The following PTPN3 variants were observed in gnomAD, a reference collection of about 807,000 sequenced individuals.
The protein encoded by PTPN3 is tyrosine-protein phosphatase non-receptor type 3.
A neutral mutation model predicts 132.7 loss-of-function variants in PTPN3; 96 were observed. That is an observed-to-expected ratio of 0.72 (90% CI 0.61 to 0.86). PTPN3 has a LOEUF of 0.86. Ranked by LOEUF, PTPN3 falls within the 40% of genes least tolerant of loss-of-function variation. PTPN3 has a pLI of 0.00. For synonymous variants in PTPN3, 398 were observed against 429.0 expected (o/e 0.93, Z 0.89); for missense variants, 1,125 against 1,159.6 (o/e 0.97, Z 0.43).
chr9:109,426,924 G>A (rs1455734728), intron 12 of PTPN3, 26 bp downstream of exon 12: 5 of 1,583,094 alleles, frequency 3.2e-6, no homozygotes, highest in African/African-American at 1.3e-5. Context: ...AGCCTAGTGT[G>A]GACACAGTCT....
intron 16 of PTPN3, among the ~76,000 whole-genome samples, chr9:109,408,704 G>A (rs117379136): frequency 0.012 from 1,792 of 150,748 alleles, 13 homozygotes; most frequent in Middle Eastern, 0.021. Flanking sequence ...CCCAGAGAGG[G>A]ACTCCACAGC....
chr9:109,437,358 C>G (rs533204725), intron 8 of PTPN3, among the ~76,000 whole-genome samples: 1 of 152,164 alleles, frequency 6.6e-6, no homozygotes, highest in Non-Finnish European at 1.5e-5. Context: ...CCACTGGCCC[C>G]GTACTATTTT....
intron 14 of PTPN3, among the ~76,000 whole-genome samples, chr9:109,414,621 G>A (rs748072251): frequency 3.3e-5 from 5 of 152,224 alleles, no homozygotes; most frequent in Admixed American, 6.5e-5. Context: ...AGATCAAAGT[G>A]GCAGAGGGGA....
Position 109,420,547 on chromosome 9 carries a change from T to C in PTPN3, c.1190A>G (p.Asp397Gly), listed in dbSNP as rs1469346763. Residue 397 changes from aspartate (D) to glycine (G), a missense_variant, in exon 14 of 26, where the codon GAT becomes GGT. Asp to Gly is a moderately conservative substitution (Grantham distance 94, BLOSUM62 -1). Coordinates refer to ENST00000374541, the MANE Select transcript of PTPN3 (RefSeq NM_002829.4). ...EIRKPRHSSA[D>G]NLANEMTYIT... ...GTAGGTCATTTCATTTGCAAGGTTATCTGCAGAAGAGTGGCGTGGCTTTCG... is the reference window on the plus strand; with the variant it reads ...GTAGGTCATTTCATTTGCAAGGTTACCTGCAGAAGAGTGGCGTGGCTTTCG... 6.2e-6 allele frequency: 10 copies of C among 1,613,064 alleles called. No individual in the cohort carries two copies. Among genetic ancestry groups the C allele is most frequent in the African/African-American group, 1.3e-5 (1 of 74,918 alleles).
At chr9:109,448,704 C>A in intron 6 of PTPN3, 107 bp downstream of exon 6, 4 of 1,118,956 alleles carry the variant, frequency 3.6e-6, no homozygotes, top group Non-Finnish European at 5.3e-6. Flanking sequence ...CTTTGCACAT[C>A]CACTCTGTTT....
chr9:109,529,423 G>A, the PTPN3 span, among the ~76,000 whole-genome samples: 2 of 145,018 alleles, frequency 1.4e-5, no homozygotes, highest in Non-Finnish European at 1.6e-5. Context: ...ACCACTGTCC[G>A]AGAGAGTGCC....
intron 4 of PTPN3, among the ~76,000 whole-genome samples, chr9:109,455,633 T>G (rs916321221): frequency 3.9e-5 from 6 of 152,232 alleles, no homozygotes; most frequent in African/African-American, 1.4e-4. Context: ...GGGAGAACAA[T>G]GTCCTCCTGC....
chr9:109,428,574 C>A, intron 11 of PTPN3, 47 bp downstream of exon 11: 1 of 1,583,580 alleles, frequency 6.3e-7, no homozygotes, highest in South Asian at 1.1e-5. Context: ...TCTAACCACA[C>A]ACATACATAT....
rs1045080214 is a variant in PTPN3 at position 109,391,175 on chromosome 9, T to G, written c.2069A>C (p.Gln690Pro). Residue 690 changes from glutamine (Q) to proline (P), a missense_variant, in exon 21 of 26, where the codon CAG becomes CCG. Coordinates refer to ENST00000374541, the MANE Select transcript of PTPN3 (RefSeq NM_002829.4). ...LPYDTTRVLLQGNEDYINASY... is the reference protein window; with the variant it reads ...LPYDTTRVLLPGNEDYINASY... ...TGCATTAATATAATCTTCATTTCCC[T>G]GCAATAATACCCGGGTGGTGTCATC... 1 of 1,613,522 alleles carries G rather than the reference T, an allele frequency of 6.2e-7. No homozygotes were observed. The highest frequency in any genetic ancestry group is 1.1e-5 in the South Asian group (1 of 90,956).
At chr9:109,407,376 C>T (rs760562031) in intron 17 of PTPN3, among the ~76,000 whole-genome samples, 12 of 151,962 alleles carry the variant, frequency 7.9e-5, no homozygotes, top group Non-Finnish European at 1.6e-4. Flanking sequence ...GAGCGAGACC[C>T]TGTCTCTTAA....
At chr9:109,407,028 A>G (rs1841624126) in intron 17 of PTPN3, among the ~76,000 whole-genome samples, 1 of 152,238 alleles carries the variant, frequency 6.6e-6, no homozygotes, top group African/African-American at 2.4e-5. Context: ...AAGCTTCACA[A>G]CAGAGGCAAA....
chr9:109,472,467 C>T (rs1478875204), intron 1 of PTPN3, among the ~76,000 whole-genome samples: 9 of 151,914 alleles, frequency 5.9e-5, no homozygotes, highest in Admixed American at 3.9e-4. Context: ...TATTTTTTTG[C>T]GAACGTTCTT....
chr9:109,490,420 A>G lies in PTPN3; in HGVS notation c.-18+7799T>C, dbSNP rs192870661. Among the ~76,000 whole-genome samples, 155 of 152,188 alleles carry G rather than the reference A, an allele frequency of 1.0e-3. 1 individual carries two copies. In the Middle Eastern group the frequency reaches 0.017, roughly 17 times the overall value. On this transcript the variant is annotated intron_variant, in intron 1 of 25. Coordinates refer to ENST00000374541, the MANE Select transcript of PTPN3 (RefSeq NM_002829.4). ...CTCAATGTGAGGGGCATTCTACAAA[A>G]TAATTGGCTTGTACTTTCCAAAAAC...
intron 1 of PTPN3, among the ~76,000 whole-genome samples, chr9:109,467,895 T>A (rs1846178081): frequency 6.6e-6 from 1 of 152,208 alleles, no homozygotes; most frequent in Non-Finnish European, 1.5e-5. Flanking sequence ...CTCTGATTGT[T>A]ACATAAAGGG....
At chr9:109,534,237 GC>G in the PTPN3 span, 2 of 1,465,514 alleles carry the variant, frequency 1.4e-6, no homozygotes, top group East Asian at 4.6e-5. Flanking sequence ...CTGTGCCGCT[GC>G]CCGTAGTGCC....
chr9:109,433,819 G>A (rs1843830239), intron 9 of PTPN3, among the ~76,000 whole-genome samples: 1 of 150,906 alleles, frequency 6.6e-6, no homozygotes, highest in Admixed American at 6.6e-5. Flanking sequence ...GAGGTGGGAG[G>A]ACTGCTTAAG....
In PTPN3 at chr9:109,420,620, A is replaced by C; in HGVS notation, c.1137-20T>G. 3 of 1,595,470 alleles carry C rather than the reference A, an allele frequency of 1.9e-6. No homozygotes were observed. The highest frequency in any genetic ancestry group is 2.6e-6 in the Non-Finnish European group (3 of 1,167,832). Reference sequence around the variant, plus strand: ...CTTCGCCTGGGTGGGAAAAACGTTGAGTGCAAAGTGTTCAAAGCAAATTCC... The same window carrying C: ...CTTCGCCTGGGTGGGAAAAACGTTGCGTGCAAAGTGTTCAAAGCAAATTCC... On this transcript the variant is annotated intron_variant, in intron 13 of 25. Coordinates refer to ENST00000374541, the MANE Select transcript of PTPN3 (RefSeq NM_002829.4).
intron 1 of PTPN3, among the ~76,000 whole-genome samples, chr9:109,468,777 T>C (rs912737228): frequency 1.3e-5 from 2 of 152,226 alleles, no homozygotes; most frequent in Non-Finnish European, 2.9e-5. Context: ...GAGTTGCACA[T>C]GGAAAGTGCC....
At chr9:109,492,050 C>T (rs1006277545) in intron 1 of PTPN3, among the ~76,000 whole-genome samples, 6 of 152,170 alleles carry the variant, frequency 3.9e-5, no homozygotes, top group South Asian at 2.1e-4. Context: ...CTTGTGTTCC[C>T]TGACACTTTA....
Sources: allele counts gnomAD v4.1 joint callset (sites outside exome capture counted in the v4.1 genomes callset), GRCh38; gene constraint gnomAD v4.1.1; transcripts MANE v1.5; gene names NCBI Gene and HGNC (gene_info 2026-07-23, HGNC 2026-07-21).